The following TRMT11 variants were observed in gnomAD, a reference collection of about 807,000 sequenced individuals.
TRMT11 encodes the protein tRNA methyltransferase 11.
A neutral mutation model predicts 62.8 loss-of-function variants in TRMT11; 53 were observed. The observed-to-expected ratio is 0.84, with a 90% CI of 0.68 to 1.06. The LOEUF is 1.06. Ranked by LOEUF, TRMT11 falls within the 50% of genes least tolerant of loss-of-function variation. TRMT11 has a pLI of 0.00. For missense variants in TRMT11, 556 were observed against 553.4 expected (o/e 1.00, Z -0.05); for synonymous variants, 188 against 190.3 (o/e 0.99, Z 0.10).
intron 17 of TRMT11, among the ~76,000 whole-genome samples, chr6:126,080,790 G>GTC (rs1777144593): frequency 6.6e-6 from 1 of 152,162 alleles, no homozygotes; most frequent in African/African-American, 2.4e-5. Context: ...TTAACTCACA[G>GTC]TGGGCCCAGT....
In TRMT11 at chr6:125,997,284, T is replaced by G. The variant is rs146111252; in HGVS notation, c.213-769T>G. On this transcript the variant is annotated intron_variant, in intron 3 of 12. Coordinates refer to ENST00000334379, the MANE Select transcript of TRMT11 (RefSeq NM_001031712.3). ...CAAAGGAAAAAAATTACAATTTAACTGTATCAGAATGAAGATAGACTTTTA... is the reference window on the plus strand; with the variant it reads ...CAAAGGAAAAAAATTACAATTTAACGGTATCAGAATGAAGATAGACTTTTA... 5.6e-3 allele frequency among the ~76,000 whole-genome samples: 856 copies of G among 152,178 alleles called. 11 individuals are homozygous for G. Among genetic ancestry groups the G allele is most frequent in the African/African-American group, 0.019 (789 of 41,432 alleles).
chr6:125,992,512 T>C (rs1417459282), intron 1 of TRMT11, among the ~76,000 whole-genome samples: 1 of 152,238 alleles, frequency 6.6e-6, no homozygotes, highest in Non-Finnish European at 1.5e-5. Flanking sequence ...ACTGGACTTC[T>C]AGGACAGTTA....
intron 21 of TRMT11, among the ~76,000 whole-genome samples, chr6:126,121,110 T>C (rs1449718344): frequency 1.3e-5 from 2 of 152,140 alleles, no homozygotes; most frequent in Non-Finnish European, 2.9e-5. Flanking sequence ...GGCACACTTA[T>C]ATGGTGTTTT....
intron 1 of TRMT11, among the ~76,000 whole-genome samples, chr6:125,989,169 G>GC (rs1790192010): frequency 8.5e-6 from 1 of 117,656 alleles, no homozygotes. Flanking sequence ...TCGCTCTGTT[G>GC]CCAGGCTGGA....
At chr6:126,018,642 C>T (rs879941280) in intron 11 of TRMT11, among the ~76,000 whole-genome samples, 6 of 151,690 alleles carry the variant, frequency 4.0e-5, no homozygotes, top group African/African-American at 1.5e-4. Context: ...TACCACCCCC[C>T]TATCTCTGTC....
At chr6:126,043,340 G>T (rs1471308401), downstream of TRMT11, among the ~76,000 whole-genome samples, 1 of 151,152 alleles carries the variant, frequency 6.6e-6, no homozygotes, top group African/African-American at 2.4e-5. Context: ...TACTGAGAAT[G>T]ATGATTTCCA....
intron 21 of TRMT11, among the ~76,000 whole-genome samples, chr6:126,132,518 T>C (rs1298615515): frequency 6.6e-6 from 1 of 152,058 alleles, no homozygotes; most frequent in African/African-American, 2.4e-5. Flanking sequence ...GTCCTATATC[T>C]ATCTCAATGT....
chr6:126,020,183 A>C (rs1795614013), intron 11 of TRMT11, among the ~76,000 whole-genome samples: 1 of 152,258 alleles, frequency 6.6e-6, no homozygotes, highest in South Asian at 2.1e-4. Flanking sequence ...AAAACTAATC[A>C]GCACCTTTGC....
chr6:126,151,931 C>CTTTCTTTCTTTCTTTCT (rs1562334964), intron 21 of TRMT11, among the ~76,000 whole-genome samples: 10 of 93,400 alleles, frequency 1.1e-4, no homozygotes, highest in East Asian at 4.8e-4. Flanking sequence ...TTCTTTCTTT[C>CTTTCTTTCTTTCTTTCT]TTTCTTTCTT....
At chr6:126,225,685 A>ATTTTTTTTTT in the TRMT11 span, among the ~76,000 whole-genome samples, 5 of 95,282 alleles carry the variant, frequency 5.2e-5, no homozygotes, top group African/African-American at 1.0e-4. Context: ...TATGTTTACT[A>ATTTTTTTTTT]TTTTTTTTTT....
chr6:126,211,209 T>A, the TRMT11 span, among the ~76,000 whole-genome samples: 2 of 152,068 alleles, frequency 1.3e-5, no homozygotes, highest in Non-Finnish European at 2.9e-5. Context: ...GCCTTGGAGG[T>A]TTCCAGTAGA....
intron 17 of TRMT11, among the ~76,000 whole-genome samples, chr6:126,108,406 A>G (rs566744135): frequency 5.5e-4 from 84 of 152,320 alleles, no homozygotes; most frequent in African/African-American, 1.8e-3. Context: ...TGACCTAATA[A>G]TACTAATAGA....
chr6:125,995,257 T>C (rs904762749), intron 2 of TRMT11, among the ~76,000 whole-genome samples: 5 of 152,126 alleles, frequency 3.3e-5, no homozygotes, highest in Non-Finnish European at 5.9e-5. Context: ...CTTTCACTTA[T>C]TGAGGGGAGG....
At chr6:126,031,896 G>A (rs1774268506) in intron 12 of TRMT11, among the ~76,000 whole-genome samples, 1 of 152,110 alleles carries the variant, frequency 6.6e-6, no homozygotes, top group African/African-American at 2.4e-5. Flanking sequence ...GGGGCTCCTG[G>A]AATAGTCAGG....
chr6:126,034,982 G>A (rs974633841), intron 12 of TRMT11, among the ~76,000 whole-genome samples: 4 of 152,038 alleles, frequency 2.6e-5, no homozygotes, highest in African/African-American at 4.8e-5. Context: ...GAATATCATC[G>A]TCTCAGATGT....
intron 21 of TRMT11, among the ~76,000 whole-genome samples, chr6:126,141,573 G>A (rs1777917407): frequency 6.6e-6 from 1 of 152,154 alleles, no homozygotes; most frequent in Non-Finnish European, 1.5e-5. Context: ...TGAAGGTGAT[G>A]TGAGAAGAAT....
chr6:126,258,481 G>T, the TRMT11 span: 1 of 225,654 alleles, frequency 4.4e-6, no homozygotes, highest in African/African-American at 2.3e-5. Context: ...GGGGTGCTGG[G>T]GGACAGCTGC....
the TRMT11 span, among the ~76,000 whole-genome samples, chr6:126,248,846 C>T: frequency 2.0e-5 from 3 of 152,178 alleles, no homozygotes; most frequent in Admixed American, 2.0e-4. Flanking sequence ...CTAAAACTGC[C>T]ACTACTCAAT....
chr6:126,245,326 A>G, the TRMT11 span, among the ~76,000 whole-genome samples: 2 of 152,236 alleles, frequency 1.3e-5, no homozygotes, highest in African/African-American at 4.8e-5. Flanking sequence ...ACATATGCAT[A>G]TGGTACATAT....
Sources: gnomAD v4.1 joint callset for allele counts (sites outside exome capture counted in the v4.1 genomes callset) on GRCh38, gnomAD v4.1.1 for gene constraint, MANE v1.5 for transcripts, NCBI Gene and HGNC (gene_info 2026-07-23, HGNC 2026-07-21) for gene names.